IRAK2: variants seen among roughly 807,000 people sequenced by gnomAD.
IRAK2 encodes interleukin-1 receptor-associated kinase-like 2.
In IRAK2, 57 loss-of-function variants were observed where a neutral mutation model predicts 72.0. The ratio of observed to expected loss-of-function variants is 0.79; its 90% confidence interval spans 0.64 to 0.99. The LOEUF (loss-of-function observed/expected upper bound fraction) is 0.99, where lower values mean the gene tolerates loss of function less well. Among genes scored for constraint, IRAK2 ranks in the 50% least tolerant of loss-of-function variants. The pLI, the probability that IRAK2 is intolerant of heterozygous loss-of-function variation, is 0.00. For missense variants in IRAK2, 790 were observed against 794.4 expected (o/e 0.99, Z 0.07); for synonymous variants, 293 against 312.7 (o/e 0.94, Z 0.67).
chr3:10,202,203 A>G (rs1697370187), intron 3 of IRAK2, among the ~76,000 whole-genome samples: 3 of 152,206 alleles, frequency 2.0e-5, no homozygotes, highest in Non-Finnish European at 4.4e-5. Context: ...ATAAGGGGAA[A>G]TGGTCCTGAC....
At chr3:10,236,169 A>G (rs1031667447) in intron 11 of IRAK2, among the ~76,000 whole-genome samples, 2 of 152,030 alleles carry the variant, frequency 1.3e-5, no homozygotes, top group African/African-American at 4.8e-5. Flanking sequence ...AACACCCTGC[A>G]AATGGCCTGA....
intron 6 of IRAK2, among the ~76,000 whole-genome samples, chr3:10,215,358 C>T (rs1311965137): frequency 1.6e-4 from 21 of 134,592 alleles, no homozygotes; most frequent in African/African-American, 5.6e-4. Context: ...CGCACCACTG[C>T]ACTCCAGCCT....
chr3:10,234,270 A>C (rs924441828), intron 10 of IRAK2, among the ~76,000 whole-genome samples, 189 bp from the exon 11 acceptor site: 5 of 152,158 alleles, frequency 3.3e-5, no homozygotes, highest in Admixed American at 6.5e-5. Flanking sequence ...TGCCCTGTGC[A>C]TGTAGGAAAT....
intron 2 of IRAK2, among the ~76,000 whole-genome samples, chr3:10,197,207 A>G (rs1276335568): frequency 2.6e-5 from 4 of 151,494 alleles, no homozygotes; most frequent in Admixed American, 6.6e-5. Flanking sequence ...GTGAAACCCC[A>G]TCTCTACTAA....
chr3:10,167,995 C>T (rs1366751566), intron 1 of IRAK2, among the ~76,000 whole-genome samples: 1 of 152,080 alleles, frequency 6.6e-6, no homozygotes, highest in Non-Finnish European at 1.5e-5. Context: ...ACAGGTTTCA[C>T]CATGTTACTC....
intron 1 of IRAK2, among the ~76,000 whole-genome samples, chr3:10,169,944 T>C (rs1696769001): frequency 6.6e-6 from 1 of 152,232 alleles, no homozygotes. Context: ...TAAATGTCCA[T>C]GAAATCTTCA....
At chr3:10,201,393 G>A (rs1016940456) in intron 3 of IRAK2, among the ~76,000 whole-genome samples, 12 of 152,186 alleles carry the variant, frequency 7.9e-5, no homozygotes, top group African/African-American at 2.2e-4. Flanking sequence ...CATAGGCCCC[G>A]GCCCTCGCAG....
Position 10,222,692 on chromosome 3 carries a change from A to G in IRAK2, c.1070A>G (p.His357Arg). 2 of 1,614,180 alleles carry G rather than the reference A, an allele frequency of 1.2e-6. No homozygotes were observed. The highest frequency in any genetic ancestry group is 1.7e-6 in the Non-Finnish European group (2 of 1,180,020). Reference protein sequence around the residue: ...LTPKLAHPMAHLCPVNKRSKY... With the variant: ...LTPKLAHPMARLCPVNKRSKY... ...CCCAAACTTGCTCACCCAATGGCTCATCTGTGTCCTGTCAACAAAAGGTCA... is the reference window on the plus strand; with the variant it reads ...CCCAAACTTGCTCACCCAATGGCTCGTCTGTGTCCTGTCAACAAAAGGTCA... The change falls in exon 9 of 13, where the codon CAT (histidine) becomes CGT (arginine). Residue 357 changes from histidine to arginine, a missense_variant. By Grantham distance (29) the His-to-Arg change is conservative. Coordinates refer to ENST00000256458, the MANE Select transcript of IRAK2 (RefSeq NM_001570.4).
rs1328454478 is a variant in IRAK2, at chr3:10,222,652, G to C, written c.1030G>C (p.Asp344His). The C allele has an allele frequency of 1.2e-6, 2 of 1,614,012 alleles. No individual in the cohort carries two copies. The change falls in exon 9 of 13, where the codon GAC (aspartate) becomes CAC (histidine). Residue 344 changes from aspartate to histidine, a missense_variant. Physicochemically the swap from Asp to His is moderately conservative, Grantham distance 81. Coordinates refer to ENST00000256458, the MANE Select transcript of IRAK2 (RefSeq NM_001570.4). ...TTTCCACAGCTCTAATGTCTTGCTGGACCAAAATCTCACCCCCAAACTTGC... is the reference window on the plus strand; with the variant it reads ...TTTCCACAGCTCTAATGTCTTGCTGCACCAAAATCTCACCCCCAAACTTGC... The part of the protein sequence containing the change: ...SNVKSSNVLL[D>H]QNLTPKLAHP...
At chr3:10,241,972 C>T (rs1363410749) in intron 12 of IRAK2, 144 bp from the exon 13 acceptor site, 11 of 469,494 alleles carry the variant, frequency 2.3e-5, no homozygotes, top group Admixed American at 1.8e-4. Flanking sequence ...GACCCTGTCT[C>T]GATAAAAAAA....
chr3:10,166,577 A>G (rs914521532), intron 1 of IRAK2, among the ~76,000 whole-genome samples: 3 of 152,222 alleles, frequency 2.0e-5, no homozygotes, highest in African/African-American at 7.2e-5. Flanking sequence ...TGAGGAATGA[A>G]AATACTGTAT....
At chr3:10,222,499 G>GCTCCATGCTGAGGGTCTTTAGAGAC (rs1446833024) in intron 8 of IRAK2, 137 bp from the exon 9 acceptor site, 21 of 680,956 alleles carry the variant, frequency 3.1e-5, no homozygotes, top group Non-Finnish European at 4.7e-5. Flanking sequence ...TGGCTCAGAA[G>GCTCCATGCTGAGGGTCTTTAGAGAC]CTCCATGCTG....
At chr3:10,218,180 T>C (rs1034674330) in intron 7 of IRAK2, among the ~76,000 whole-genome samples, 1 of 152,078 alleles carries the variant, frequency 6.6e-6, no homozygotes, top group Non-Finnish European at 1.5e-5. Context: ...TCCCAGTACA[T>C]TGGGAAGCCG....
chr3:10,235,856 G>A (rs375130198), intron 11 of IRAK2, among the ~76,000 whole-genome samples: 3 of 152,248 alleles, frequency 2.0e-5, no homozygotes, highest in African/African-American at 7.2e-5. Flanking sequence ...ATCGTCTTGC[G>A]CTGTCACGTG....
chr3:10,226,415 C>A lies in IRAK2; in HGVS notation c.1254C>A (p.Asn418Lys), dbSNP rs778535593. Residue 418 changes from asparagine to lysine, a missense_variant, in exon 10 of 13, where the codon AAC (asparagine) becomes AAA (lysine). Transcript: ENST00000256458. ...VLTGIPAMDN[N>K]RSPVYLKDLL... ...CGGGCATCCCTGCAATGGATAACAA[C>A]CGAAGCCCGGTTTACCTGGTAAGGG... The A allele has an allele frequency of 1.2e-6, 2 of 1,613,428 alleles. No individual in the cohort carries two copies. The highest frequency in any genetic ancestry group is 1.7e-6 in the Non-Finnish European group (2 of 1,179,736).
chr3:10,165,721 A>ATTTTTTTTTTT (rs34176794), intron 1 of IRAK2, among the ~76,000 whole-genome samples: 5 of 76,776 alleles, frequency 6.5e-5, no homozygotes, highest in African/African-American at 2.0e-4. Context: ...GTCTTGAACT[A>ATTTTTTTTTTT]TTTTTTTTTT....
At chr3:10,221,504 T>G (rs1449233382) in intron 8 of IRAK2, among the ~76,000 whole-genome samples, 2 of 151,366 alleles carry the variant, frequency 1.3e-5, no homozygotes, top group East Asian at 2.0e-4. Flanking sequence ...CCACCCACCT[T>G]GGCCTCCCAA....
intron 6 of IRAK2, among the ~76,000 whole-genome samples, chr3:10,215,537 T>C (rs907080784): frequency 6.6e-6 from 1 of 152,056 alleles, no homozygotes. Context: ...TTTTGATATA[T>C]TTTCATTTTT....
intron 12 of IRAK2, among the ~76,000 whole-genome samples, chr3:10,240,000 A>AAAAAAAAAAAAAG (rs1698027110): frequency 6.6e-6 from 1 of 151,368 alleles, no homozygotes; most frequent in African/African-American, 2.4e-5. Flanking sequence ...TACAAAAATT[A>AAAAAAAAAAAAAG]GCTAGGCATG....
Sources: allele counts gnomAD v4.1 joint callset (sites outside exome capture counted in the v4.1 genomes callset), GRCh38; gene constraint gnomAD v4.1.1; transcripts MANE v1.5; gene names NCBI Gene and HGNC (gene_info 2026-07-23, HGNC 2026-07-21).